The following TENM3 variants were observed in gnomAD, a reference collection of about 807,000 sequenced individuals.
The protein encoded by TENM3 is teneurin transmembrane protein 3.
A neutral mutation model predicts 255.1 loss-of-function variants in TENM3; 63 were observed. The observed-to-expected ratio is 0.25, with a 90% CI of 0.20 to 0.30. TENM3 has a LOEUF of 0.30. TENM3 is among the 10% of genes least tolerant of loss of function. The probability of loss-of-function intolerance (pLI) is 1.00; values close to 1 mark genes in which losing one functional copy is unlikely to be tolerated. For synonymous variants in TENM3, 1,306 were observed against 1,322.3 expected, an observed-to-expected ratio of 0.99 and a Z score of 0.27; for missense variants, 2,929 against 3,461.1, an observed-to-expected ratio of 0.85 and a Z score of 3.86.
chr4:181,611,326 G>T, the TENM3 span, among the ~76,000 whole-genome samples: 4 of 152,168 alleles, frequency 2.6e-5, no homozygotes, highest in Non-Finnish European at 5.9e-5. Context: ...CACATTAGAG[G>T]AGTCATCTAG....
At chr4:182,504,311 T>C (rs1261535283) in intron 3 of TENM3, among the ~76,000 whole-genome samples, 1 of 152,178 alleles carries the variant, frequency 6.6e-6, no homozygotes, top group African/African-American at 2.4e-5. Flanking sequence ...AAATGCTTTT[T>C]ATCAAATTAG....
chr4:182,476,594 A>G (rs1304541756), intron 3 of TENM3, among the ~76,000 whole-genome samples: 1 of 152,200 alleles, frequency 6.6e-6, no homozygotes, highest in Non-Finnish European at 1.5e-5. Flanking sequence ...ATATTTGGAC[A>G]CACATATATT....
At chr4:182,033,633 G>A in the TENM3 span, among the ~76,000 whole-genome samples, 1 of 151,960 alleles carries the variant, frequency 6.6e-6, no homozygotes, top group Non-Finnish European at 1.5e-5. Flanking sequence ...TTGACAGTGG[G>A]GTGCTAAAGT....
chr4:182,221,460 G>C (rs919828449), intron 1 of TENM3, among the ~76,000 whole-genome samples: 7 of 152,202 alleles, frequency 4.6e-5, no homozygotes, highest in African/African-American at 1.7e-4. Context: ...CTCGTGGTGG[G>C]CCACATGGGA....
chr4:182,730,127 AT>A, intron 14 of TENM3, 72 bp from the exon 15 acceptor site: 1 of 1,582,684 alleles, frequency 6.3e-7, no homozygotes, highest in Non-Finnish European at 8.6e-7. Context: ...CTTAGGTTGA[AT>A]TATCTATAAA....
intron 3 of TENM3, among the ~76,000 whole-genome samples, chr4:182,365,119 T>G (rs1328732618): frequency 2.0e-5 from 3 of 152,274 alleles, no homozygotes; most frequent in Non-Finnish European, 4.4e-5. Flanking sequence ...GAAACGTGTC[T>G]TACCTTTGTT....
At chr4:181,782,817 T>C in the TENM3 span, among the ~76,000 whole-genome samples, 1 of 152,206 alleles carries the variant, frequency 6.6e-6, no homozygotes, top group Non-Finnish European at 1.5e-5. Context: ...TCTGGTGTGT[T>C]GTGTCTTTGT....
the TENM3 span, among the ~76,000 whole-genome samples, chr4:181,493,881 C>G: frequency 6.6e-6 from 1 of 152,154 alleles, no homozygotes; most frequent in Admixed American, 6.5e-5. Flanking sequence ...AGAGCTCCCT[C>G]CATACCTCTA....
At chr4:181,911,454 A>G in the TENM3 span, among the ~76,000 whole-genome samples, 4 of 152,148 alleles carry the variant, frequency 2.6e-5, no homozygotes, top group African/African-American at 4.8e-5. Context: ...TATGAGAGAG[A>G]ATAAAGAGAA....
At position 182,665,852 on chromosome 4, in the gene TENM3, C is replaced by T. The variant is rs530962925; in HGVS notation, c.1112-7153C>T. 1.1e-4 allele frequency among the ~76,000 whole-genome samples: 17 copies of T among 152,054 alleles called. No homozygotes were observed. In the East Asian group the frequency reaches 2.9e-3, roughly 26 times the overall value. On this transcript the variant is annotated intron_variant, in intron 6 of 27. Coordinates refer to ENST00000511685, the MANE Select transcript of TENM3 (RefSeq NM_001080477.4). ...CGGAGGTTGCAGTGAGCCAAGATGG[C>T]GCCACTGCACTCCAGCCTGGGCGAC... is the stretch of plus-strand genomic sequence containing the variant.
At chr4:181,885,930 C>T in the TENM3 span, among the ~76,000 whole-genome samples, 1 of 152,016 alleles carries the variant, frequency 6.6e-6, no homozygotes, top group African/African-American at 2.4e-5. Flanking sequence ...TGCAGTCCCA[C>T]ACATGTGTTT....
the TENM3 span, among the ~76,000 whole-genome samples, chr4:181,457,101 G>A: frequency 6.6e-6 from 1 of 151,856 alleles, no homozygotes; most frequent in Admixed American, 6.6e-5. Flanking sequence ...CACTGCAAGA[G>A]AAAGTAAATC....
At chr4:181,770,674 CAAAAA>C in the TENM3 span, among the ~76,000 whole-genome samples, 1 of 76,616 alleles carries the variant, frequency 1.3e-5, no homozygotes, top group East Asian at 4.2e-4. Flanking sequence ...GACTCTGTCT[CAAAAA>C]AAAAAAAAAA....
At position 182,754,146 on chromosome 4, in the gene TENM3, C is replaced by G. The variant is rs1427525637; in HGVS notation, c.4018-239C>G. Among the ~76,000 whole-genome samples the G allele has an allele frequency of 2.6e-5, 4 of 152,200 alleles. 1 individual carries two copies. Among genetic ancestry groups the G allele is most frequent in the Non-Finnish European group, 5.9e-5 (4 of 68,026 alleles). The stretch of plus-strand genomic sequence containing the variant: ...GACTCACTACGTAGAGGCCTATTTG[C>G]TATTTGCCTGTAACTAGCAAATCTT... On this transcript the variant is annotated intron_variant, in intron 21 of 27. Coordinates refer to ENST00000511685, the MANE Select transcript of TENM3 (RefSeq NM_001080477.4). The surrounding 1 kb of genome is among the most constrained non-coding windows in gnomAD (Gnocchi z 5.1).
chr4:182,482,893 A>G (rs1251275792), intron 3 of TENM3, among the ~76,000 whole-genome samples: 3 of 152,166 alleles, frequency 2.0e-5, no homozygotes. Context: ...TAGACCTTCA[A>G]TATATGAATT....
intron 4 of TENM3, among the ~76,000 whole-genome samples, chr4:182,623,851 C>T (rs1417452518): frequency 6.6e-6 from 1 of 152,212 alleles, no homozygotes; most frequent in East Asian, 1.9e-4. Flanking sequence ...CCCTGCTTGT[C>T]CAGTGGCACA....
the TENM3 span, among the ~76,000 whole-genome samples, chr4:182,118,014 A>G: frequency 6.6e-6 from 1 of 152,158 alleles, no homozygotes; most frequent in Non-Finnish European, 1.5e-5. Flanking sequence ...GTGCTAATGC[A>G]TATGATGGTG....
intron 5 of TENM3, among the ~76,000 whole-genome samples, chr4:182,651,847 T>C (rs924360773): frequency 6.6e-6 from 1 of 152,218 alleles, no homozygotes; most frequent in African/African-American, 2.4e-5. Flanking sequence ...AGCATGCTTT[T>C]ATATCAGGTA....
intron 22 of TENM3, among the ~76,000 whole-genome samples, chr4:182,763,517 A>G (rs541520057): frequency 6.6e-6 from 1 of 152,030 alleles, no homozygotes; most frequent in African/African-American, 2.4e-5. Context: ...GTGAGCCCAG[A>G]TCGTGCCAGC....
Sources: gnomAD v4.1 joint callset for allele counts (sites outside exome capture counted in the v4.1 genomes callset) on GRCh38, gnomAD v4.1.1 for gene constraint, Gnocchi (gnomAD v3.1) non-coding constraint, MANE v1.5 for transcripts, NCBI Gene and HGNC (gene_info 2026-07-23, HGNC 2026-07-21) for gene names.